Variants in USH2A observed in about 807,000 individuals in gnomAD.
The protein encoded by USH2A is usherin.
USH2A carries 443 observed loss-of-function variants against 538.9 expected under a neutral mutation model. The observed-to-expected ratio is 0.82, with a 90% CI of 0.76 to 0.89. The LOEUF is 0.89. Ranked by LOEUF, USH2A falls within the 40% of genes least tolerant of loss-of-function variation. USH2A has a pLI of 0.00. For synonymous variants in USH2A, 2,413 were observed against 2,273.5 expected, an observed-to-expected ratio of 1.06 and a Z score of -1.75; for missense variants, 6,633 against 6,324.8, an observed-to-expected ratio of 1.05 and a Z score of -1.65.
At chr1:216,221,918 C>A (rs956254638) in intron 14 of USH2A, among the ~76,000 whole-genome samples, 1 of 152,104 alleles carries the variant, frequency 6.6e-6, no homozygotes. Flanking sequence ...ACTTTTTGGT[C>A]AATATAAATA....
chr1:216,359,516 C>A (rs1002216515), intron 4 of USH2A, among the ~76,000 whole-genome samples: 1 of 152,002 alleles, frequency 6.6e-6, no homozygotes, highest in Non-Finnish European at 1.5e-5. Context: ...GGCAATTTAA[C>A]CACAGTGTTT....
intron 35 of USH2A, among the ~76,000 whole-genome samples, chr1:215,991,818 G>A (rs1371740067): frequency 6.6e-6 from 1 of 152,182 alleles, no homozygotes; most frequent in Non-Finnish European, 1.5e-5. Flanking sequence ...TCATGTAACA[G>A]CATTTCACAG....
intron 49 of USH2A, among the ~76,000 whole-genome samples, chr1:215,809,692 T>A (rs1185146422): frequency 6.6e-6 from 1 of 152,136 alleles, no homozygotes; most frequent in South Asian, 2.1e-4. Context: ...TTGGGGTTAT[T>A]AGCATATTTA....
At chr1:216,273,616 G>T (rs1571646827) in intron 11 of USH2A, among the ~76,000 whole-genome samples, 2 of 151,872 alleles carry the variant, frequency 1.3e-5, no homozygotes, top group East Asian at 3.9e-4. Context: ...ACAGTGCCTG[G>T]TATATAGGAA....
At chr1:216,275,302 G>T (rs2036652072) in intron 11 of USH2A, among the ~76,000 whole-genome samples, 1 of 152,028 alleles carries the variant, frequency 6.6e-6, no homozygotes, top group Admixed American at 6.6e-5. Context: ...ATTGTAATTT[G>T]CTGCAAAATT....
intron 21 of USH2A, among the ~76,000 whole-genome samples, chr1:216,104,515 C>T (rs1365398670): frequency 7.2e-5 from 11 of 152,076 alleles, no homozygotes; most frequent in Admixed American, 7.2e-4. Context: ...GAAATAATGC[C>T]ACATATGTAC....
chr1:216,133,415 A>G (rs1038216582), intron 21 of USH2A, among the ~76,000 whole-genome samples: 6 of 152,062 alleles, frequency 3.9e-5, no homozygotes, highest in African/African-American at 1.2e-4. Flanking sequence ...TGGTGTGCTT[A>G]CATAAAAAAG....
chr1:215,684,993 T>G (rs964011617), intron 61 of USH2A, among the ~76,000 whole-genome samples: 7 of 152,100 alleles, frequency 4.6e-5, no homozygotes, highest in African/African-American at 1.7e-4. Flanking sequence ...ATTAATTATA[T>G]TTTATTTTGT....
At chr1:215,797,977 A>G (rs1662192636) in intron 50 of USH2A, among the ~76,000 whole-genome samples, 1 of 152,190 alleles carries the variant, frequency 6.6e-6, no homozygotes, top group African/African-American at 2.4e-5. Flanking sequence ...AAGAATATTC[A>G]TGATTCATGG....
intron 13 of USH2A, among the ~76,000 whole-genome samples, chr1:216,235,005 A>G (rs1240944310): frequency 1.3e-5 from 2 of 152,142 alleles, no homozygotes; most frequent in African/African-American, 2.4e-5. Flanking sequence ...TATAAAGGTT[A>G]ATCCCACCAG....
intron 44 of USH2A, among the ~76,000 whole-genome samples, chr1:215,861,413 A>G (rs1393670461): frequency 6.6e-6 from 1 of 152,234 alleles, no homozygotes; most frequent in Non-Finnish European, 1.5e-5. Context: ...CCAAAATATA[A>G]TAGTTTAAAT....
chr1:215,808,077 A>G (rs919242549), intron 49 of USH2A, among the ~76,000 whole-genome samples: 4 of 152,126 alleles, frequency 2.6e-5, no homozygotes, highest in Admixed American at 6.6e-5. Context: ...TTATTCACTA[A>G]TTATTCAGCA....
Position 215,934,884 on chromosome 1 carries a change from T to C in USH2A, c.7121-89A>G. On this transcript the variant is annotated intron_variant, in intron 37 of 71. Transcript: ENST00000307340. Reference sequence around the variant, plus strand: ...GAGTATTTTCTTGAGTTTCTAAATATACTGTACCAAATAGGTCTGTAACTT... The same window carrying C: ...GAGTATTTTCTTGAGTTTCTAAATACACTGTACCAAATAGGTCTGTAACTT... 10 of 1,266,736 alleles carry C rather than the reference T, an allele frequency of 7.9e-6. No individual in the cohort carries two copies. In the South Asian group the frequency reaches 1.2e-4, roughly 16 times the overall value. 78.5% of individuals were successfully genotyped at this position (1,266,736 alleles called of 1,614,324 possible).
rs1661676401 is a variant in USH2A, at chr1:215,782,711, A to ATTTGTATT, written c.10585+19_10585+26dup. 4.4e-6 allele frequency: 7 copies of ATTTGTATT among 1,607,662 alleles called. No homozygotes were observed. In the South Asian group the frequency reaches 6.6e-5, roughly 15 times the overall value. ...TCTTATGAATTTATGGGATTTTGTT[A>ATTTGTATT]TTTGTATTTTAAAGGTATCTCAATA... is the stretch of plus-strand genomic sequence containing the variant. On this transcript the variant is annotated intron_variant, in intron 53 of 71. Coordinates refer to ENST00000307340, the MANE Select transcript of USH2A (RefSeq NM_206933.4).
chr1:215,806,780 T>C (rs1662515203), intron 49 of USH2A, among the ~76,000 whole-genome samples: 1 of 152,110 alleles, frequency 6.6e-6, no homozygotes, highest in African/African-American at 2.4e-5. Context: ...CATTTCCCTG[T>C]AGTTCCCAAC....
chr1:216,320,080 T>C (rs757037211), intron 9 of USH2A, among the ~76,000 whole-genome samples: 3 of 152,118 alleles, frequency 2.0e-5, no homozygotes, highest in Non-Finnish European at 4.4e-5. Context: ...ATATAGTTTG[T>C]ATGTTTGTCC....
At chr1:215,699,047 T>C (rs565487887) in intron 61 of USH2A, among the ~76,000 whole-genome samples, 1 of 152,326 alleles carries the variant, frequency 6.6e-6, no homozygotes, top group South Asian at 2.1e-4. Flanking sequence ...AGGTAGCCAG[T>C]TTTCCCAACA....
intron 40 of USH2A, among the ~76,000 whole-genome samples, chr1:215,892,268 C>G (rs897084088): frequency 4.6e-5 from 7 of 152,114 alleles, no homozygotes; most frequent in African/African-American, 1.7e-4. Flanking sequence ...ATTCGAGTTA[C>G]CCATGACTGA....
chr1:216,373,580 T>C lies in USH2A; in HGVS notation c.652-8495A>G, dbSNP rs1352714534. 2.0e-5 allele frequency among the ~76,000 whole-genome samples: 3 copies of C among 152,284 alleles called. No homozygotes were observed. The East Asian group carries it at 5.8e-4, about 29-fold the overall frequency. ...TTTTGACCTAATGACCCATTCCCCC[T>C]GAATACCGCAACGTGTATTTGCTAC... On this transcript the variant is annotated intron_variant, in intron 3 of 71. Coordinates refer to ENST00000307340, the MANE Select transcript of USH2A (RefSeq NM_206933.4).
Sources: allele counts gnomAD v4.1 joint callset (sites outside exome capture counted in the v4.1 genomes callset), GRCh38; gene constraint gnomAD v4.1.1; transcripts MANE v1.5; gene names NCBI Gene and HGNC (gene_info 2026-07-23, HGNC 2026-07-21).